The following ANKRD11 variants were observed in gnomAD, a reference collection of about 807,000 sequenced individuals.
The protein encoded by ANKRD11 is ankyrin repeat domain-containing protein 11.
ANKRD11 carries 17 observed loss-of-function variants against 195.7 expected under a neutral mutation model. The ratio of observed to expected loss-of-function variants is 0.09; its 90% CI spans 0.06 to 0.13. The LOEUF is 0.13. Among genes scored for constraint, ANKRD11 ranks in the 10% least tolerant of loss-of-function variants. The probability of loss-of-function intolerance (pLI) is 1.00; values close to 1 mark genes in which losing one functional copy is unlikely to be tolerated. For missense variants in ANKRD11, 3,735 were observed against 3,566.1 expected, an observed-to-expected ratio of 1.05 and a Z score of -1.21; for synonymous variants, 1,953 against 1,528.1, an observed-to-expected ratio of 1.28 and a Z score of -6.49.
intron 2 of ANKRD11, among the ~76,000 whole-genome samples, chr16:89,407,902 C>A (rs1418703197): frequency 6.6e-6 from 1 of 151,502 alleles, no homozygotes; most frequent in Non-Finnish European, 1.5e-5. Context: ...ACTCCTTTGT[C>A]CACATAGTAA....
chr16:89,332,462 C>A (rs745628054), intron 2 of ANKRD11, among the ~76,000 whole-genome samples: 3 of 152,226 alleles, frequency 2.0e-5, no homozygotes, highest in Non-Finnish European at 4.4e-5. Flanking sequence ...ACCCGCAGCT[C>A]TGGGGAGAAA....
chr16:89,415,688 T>G (rs1259881574), intron 2 of ANKRD11, among the ~76,000 whole-genome samples: 2 of 150,160 alleles, frequency 1.3e-5, no homozygotes, highest in Non-Finnish European at 3.0e-5. Flanking sequence ...ATCAGCTGGG[T>G]GTGGTGGTGG....
At chr16:89,476,523 C>T (rs2057263823) in intron 1 of ANKRD11, among the ~76,000 whole-genome samples, 1 of 152,174 alleles carries the variant, frequency 6.6e-6, no homozygotes, top group Non-Finnish European at 1.5e-5. Context: ...ACAGGCAGAC[C>T]CAACGCCTAC....
chr16:89,478,709 C>T (rs1271701564), intron 1 of ANKRD11, among the ~76,000 whole-genome samples: 4 of 152,236 alleles, frequency 2.6e-5, no homozygotes, highest in East Asian at 1.9e-4. Flanking sequence ...ACCACTAAAG[C>T]GGGTGGCAGT....
chr16:89,417,569 C>G (rs964630680), intron 2 of ANKRD11, among the ~76,000 whole-genome samples: 14 of 152,120 alleles, frequency 9.2e-5, no homozygotes, highest in Admixed American at 6.5e-4. Context: ...GGAGTCAGGG[C>G]TGGCGAACCA....
Position 89,281,980 on chromosome 16 carries a change from T to G in ANKRD11, c.4562A>C (p.Glu1521Ala). Residue 1521 changes from glutamate to alanine, a missense_variant, in exon 9 of 13, where the codon GAG (glutamate) becomes GCG (alanine). Glu to Ala is a moderately radical substitution (Grantham distance 107). Coordinates refer to ENST00000301030, the MANE Select transcript of ANKRD11 (RefSeq NM_013275.6). The surrounding 1 kb of genome is among the most constrained non-coding windows in gnomAD (Gnocchi z 5.5). ...PRVLKDKSRD[E>A]GPRLGDAKLK... ...TTTGGCATCGCCGAGCCTCGGGCCC[T>G]CGTCCCTGGACTTGTCTTTGAGCAC... 1 of 1,613,028 alleles carries G rather than the reference T, an allele frequency of 6.2e-7. No individual in the cohort carries two copies. The highest frequency in any genetic ancestry group is 8.5e-7 in the Non-Finnish European group (1 of 1,180,042).
In ANKRD11 at chr16:89,291,709, C is replaced by A. The variant is rs1220647246; in HGVS notation, c.227-526G>T. On this transcript the variant is annotated intron_variant, in intron 4 of 12. Transcript: ENST00000301030. This position sits in a 1 kb window ranked among gnomAD's most constrained non-coding sequence, Gnocchi z 5.3. ...TCTTCTTGCTTCTAGGAACCTCCAT[C>A]TCATGCCATGGTGCTTCGAGGAGCG... 1 of 1,289,880 alleles carries A rather than the reference C, an allele frequency of 7.8e-7. No homozygotes were observed. Among genetic ancestry groups the A allele is most frequent in the South Asian group, 1.2e-5 (1 of 81,022 alleles). The allele number at this position is 1,289,880 out of a possible 1,614,324, so 79.9% of individuals were successfully genotyped here.
chr16:89,287,007 G>T lies in ANKRD11; in HGVS notation c.745-821C>A, dbSNP rs777506555. The T allele has an allele frequency of 6.2e-6, 8 of 1,289,482 alleles. No homozygotes were observed. In the South Asian group the frequency reaches 9.9e-5, roughly 16 times the overall value. 79.9% of individuals were successfully genotyped at this position (1,289,482 alleles called of 1,614,324 possible). A position where few individuals can be genotyped will look rare whatever the true frequency, so the allele number is the denominator to read the frequency against. ...TTGAATCAGTACAGAGTTCTTATGT[G>T]TGTGAGTTTTCTATGGTGACTACAC... On this transcript the variant is annotated intron_variant, in intron 7 of 12. Transcript: ENST00000301030.
In ANKRD11 at chr16:89,281,678, C is replaced by T; in HGVS notation, c.4864G>A (p.Glu1622Lys). The change falls in exon 9 of 13, where the codon GAG (glutamate) becomes AAG (lysine). Residue 1622 changes from glutamate (E) to lysine (K), a missense_variant. Coordinates refer to ENST00000301030, the MANE Select transcript of ANKRD11 (RefSeq NM_013275.6). This position sits in a 1 kb window ranked among gnomAD's most constrained non-coding sequence, Gnocchi z 5.5. The stretch of plus-strand genomic sequence containing the variant: ...CCGTCGTCTGCCGGCTTCGCCTTCT[C>T]CTTGAGCTTGGGGTCTCCGGACCGG... Reference protein sequence around the residue: ...RHRSGDPKLKEKAKPADDGRK... With the variant: ...RHRSGDPKLKKKAKPADDGRK... 1 of 1,614,178 alleles carries T rather than the reference C, an allele frequency of 6.2e-7. No homozygotes were observed. The highest frequency in any genetic ancestry group is 8.5e-7 in the Non-Finnish European group (1 of 1,180,028).
chr16:89,404,838 A>C (rs2086824), intron 2 of ANKRD11, among the ~76,000 whole-genome samples: 50,549 of 152,184 alleles, frequency 0.33, 10,831 homozygotes, highest in Middle Eastern at 0.55. Flanking sequence ...CGCTGAATGT[A>C]CTACACAATA....
At chr16:89,416,732 C>T (rs2042326102) in intron 2 of ANKRD11, among the ~76,000 whole-genome samples, 1 of 145,668 alleles carries the variant, frequency 6.9e-6, no homozygotes, top group Non-Finnish European at 1.5e-5. Context: ...GGGTTCAAGA[C>T]AGGCCTGGAC....
In ANKRD11 at chr16:89,484,436, G is replaced by T. The variant is rs190359212; in HGVS notation, c.-145+5809C>A. 2.0e-5 allele frequency among the ~76,000 whole-genome samples: 3 copies of T among 152,288 alleles called. No homozygotes were observed. In the East Asian group the frequency reaches 5.8e-4, roughly 29 times the overall value. ...AGTCTTCTTTGATTGTGTCAGATAT[G>T]AATGCAGCAGTAAGCTAATCCTAAC... On this transcript the variant is annotated intron_variant, in intron 1 of 12. Coordinates refer to ENST00000301030, the MANE Select transcript of ANKRD11 (RefSeq NM_013275.6).
At chr16:89,278,971 G>A (rs1410228749) in intron 9 of ANKRD11, 101 bp downstream of exon 9, 1 of 1,531,178 alleles carries the variant, frequency 6.5e-7, no homozygotes, top group Non-Finnish European at 8.9e-7. Context: ...AGAGGTCAAG[G>A]GCCATGAGTG....
chr16:89,483,448 T>G (rs71396920), intron 1 of ANKRD11, among the ~76,000 whole-genome samples: 4,232 of 152,336 alleles, frequency 0.028, 94 homozygotes, highest in Middle Eastern at 0.044. Flanking sequence ...AGTGCAAGCG[T>G]GCATCACTTT....
At chr16:89,442,152 G>A (rs1182766014) in intron 1 of ANKRD11, among the ~76,000 whole-genome samples, 3 of 152,238 alleles carry the variant, frequency 2.0e-5, no homozygotes, top group Non-Finnish European at 4.4e-5. Flanking sequence ...CAAGGCGAAG[G>A]CCGCAGGGGG....
At chr16:89,439,252 C>T (rs1486745755) in intron 1 of ANKRD11, among the ~76,000 whole-genome samples, 3 of 152,102 alleles carry the variant, frequency 2.0e-5, no homozygotes, top group African/African-American at 7.2e-5. Context: ...ATGCTGTTTT[C>T]CAGTATAGAC....
rs1465206001 is a variant in ANKRD11 at position 89,280,060 on chromosome 16, G to T, written c.6482C>A (p.Ala2161Asp). ...CCCTGGAGGCATCTCTTCTGGAGGA[G>T]CAAGACTTTCTTCCACGGGTTCCGC... Reference protein sequence around the residue: ...GEAEPVEESLAPPEEMPPGAP... With the variant: ...GEAEPVEESLDPPEEMPPGAP... Residue 2161 changes from alanine (A) to aspartate (D), a missense_variant, in exon 9 of 13, where the codon GCT becomes GAT. Coordinates refer to ENST00000301030, the MANE Select transcript of ANKRD11 (RefSeq NM_013275.6). 1.2e-6 allele frequency: 2 copies of T among 1,613,014 alleles called. No individual in the cohort carries two copies. The highest frequency in any genetic ancestry group is 1.7e-6 in the Non-Finnish European group (2 of 1,179,968).
chr16:89,371,454 G>T (rs2040188595), intron 2 of ANKRD11, among the ~76,000 whole-genome samples: 1 of 152,222 alleles, frequency 6.6e-6, no homozygotes, highest in Admixed American at 6.5e-5. Context: ...GCCACAGAAG[G>T]GGCCGCTGAC....
intron 2 of ANKRD11, among the ~76,000 whole-genome samples, chr16:89,384,879 C>CTTTTTCTTTTTTTTTTTTTTTT (rs2040833636): frequency 2.0e-5 from 1 of 49,910 alleles, no homozygotes; most frequent in African/African-American, 7.9e-5. Flanking sequence ...AAATAGTTTT[C>CTTTTTCTTTTTTTTTTTTTTTT]TTTTTTTTTT....
Sources: gnomAD v4.1 joint callset for allele counts (sites outside exome capture counted in the v4.1 genomes callset) on GRCh38, gnomAD v4.1.1 for gene constraint, Gnocchi (gnomAD v3.1) non-coding constraint, MANE v1.5 for transcripts, NCBI Gene and HGNC (gene_info 2026-07-23, HGNC 2026-07-21) for gene names.